EXOC4: variants seen among roughly 807,000 people sequenced by gnomAD.
EXOC4 encodes the protein exocyst complex component 4, also known as SEC8-like 1.
EXOC4 carries 71 observed loss-of-function variants against 107.2 expected under a neutral mutation model. The observed-to-expected ratio is 0.66, with a 90% CI of 0.55 to 0.81. EXOC4 has a LOEUF of 0.81. EXOC4 is among the 30% of genes least tolerant of loss of function. The pLI is 0.00. For missense variants in EXOC4, 1,108 were observed against 1,189.6 expected, an observed-to-expected ratio of 0.93 and a Z score of 1.01; for synonymous variants, 456 against 441.2, an observed-to-expected ratio of 1.03 and a Z score of -0.42.
At chr7:133,855,094 T>TATATCTAAATATATATAA (rs1554409756) in intron 11 of EXOC4, among the ~76,000 whole-genome samples, 106 of 84,274 alleles carry the variant, frequency 1.3e-3, no homozygotes, top group East Asian at 4.0e-3. Context: ...TATATATAAA[T>TATATCTAAATATATATAA]ATATATATAA....
intron 7 of EXOC4, among the ~76,000 whole-genome samples, chr7:133,454,283 C>T (rs914193688): frequency 5.9e-5 from 9 of 152,110 alleles, no homozygotes; most frequent in Admixed American, 5.9e-4. Flanking sequence ...TTCTCCAACA[C>T]TGCTTTCATT....
chr7:134,057,385 G>A (rs4731995), intron 17 of EXOC4, among the ~76,000 whole-genome samples: 33,241 of 151,578 alleles, frequency 0.22, 4,772 homozygotes, highest in African/African-American at 0.41. Context: ...ACAAAAAACT[G>A]TCCTGATACA....
At chr7:133,824,331 C>G (rs1162325534) in intron 11 of EXOC4, among the ~76,000 whole-genome samples, 1 of 152,020 alleles carries the variant, frequency 6.6e-6, no homozygotes, top group East Asian at 2.0e-4. Context: ...AACCCCTGCC[C>G]TCTCTGCCCA....
At chr7:133,907,415 G>T (rs1799591346) in intron 12 of EXOC4, among the ~76,000 whole-genome samples, 3 of 152,056 alleles carry the variant, frequency 2.0e-5, no homozygotes, top group African/African-American at 7.2e-5. Flanking sequence ...TCACATCAAG[G>T]TTATTTGGGG....
chr7:133,313,333 C>T (rs538462587), intron 4 of EXOC4, among the ~76,000 whole-genome samples: 4 of 152,194 alleles, frequency 2.6e-5, no homozygotes, highest in South Asian at 2.1e-4. Flanking sequence ...ATTATGCCAG[C>T]CATTCCTGTT....
intron 12 of EXOC4, among the ~76,000 whole-genome samples, chr7:133,900,577 C>T (rs1178470644): frequency 6.6e-6 from 1 of 151,958 alleles, no homozygotes; most frequent in Non-Finnish European, 1.5e-5. Context: ...CACGTGCACA[C>T]CTGTGCTTTA....
chr7:133,696,708 T>A (rs1246499103), intron 10 of EXOC4, among the ~76,000 whole-genome samples: 1 of 152,212 alleles, frequency 6.6e-6, no homozygotes, highest in Non-Finnish European at 1.5e-5. Context: ...TATAGCTGCT[T>A]TAGAGCAGTG....
At chr7:133,626,665 G>T (rs1802464124) in intron 9 of EXOC4, among the ~76,000 whole-genome samples, 1 of 152,134 alleles carries the variant, frequency 6.6e-6, no homozygotes, top group Non-Finnish European at 1.5e-5. Context: ...GCTAGCAGGG[G>T]TTTAGAACTA....
In EXOC4 at chr7:133,393,814, T is replaced by C. The variant is rs150848340; in HGVS notation, c.1182+18812T>C. Among the ~76,000 whole-genome samples the C allele has an allele frequency of 1.7e-3, 259 of 152,338 alleles. 1 individual carries two copies. Among genetic ancestry groups the C allele is most frequent in the African/African-American group, 6.0e-3 (248 of 41,578 alleles). On this transcript the variant is annotated intron_variant, in intron 7 of 17. Transcript: ENST00000253861. ...TCTCTTGTTTATAAGCTACTCAATCTGTGGCATTTTGTTGTAGTGGTTTGA... is the reference window on the plus strand; with the variant it reads ...TCTCTTGTTTATAAGCTACTCAATCCGTGGCATTTTGTTGTAGTGGTTTGA...
At chr7:133,743,660 C>CA (rs954069153) in intron 10 of EXOC4, among the ~76,000 whole-genome samples, 2 of 152,066 alleles carry the variant, frequency 1.3e-5, no homozygotes, top group Non-Finnish European at 2.9e-5. Flanking sequence ...TCAAAACCCC[C>CA]CCATGGTTGC....
intron 3 of EXOC4, among the ~76,000 whole-genome samples, chr7:133,293,315 A>G (rs1170677443): frequency 6.6e-6 from 1 of 152,232 alleles, no homozygotes; most frequent in Non-Finnish European, 1.5e-5. Flanking sequence ...TGGACTTCAC[A>G]TGAAAAACAA....
intron 9 of EXOC4, among the ~76,000 whole-genome samples, chr7:133,488,952 GTC>G (rs1374697331): frequency 1.3e-5 from 2 of 148,928 alleles, no homozygotes; most frequent in African/African-American, 4.9e-5. Flanking sequence ...TCTATATAAA[GTC>G]TAATATAAAT....
intron 10 of EXOC4, among the ~76,000 whole-genome samples, chr7:133,686,926 A>T (rs1364492327): frequency 6.6e-6 from 1 of 152,070 alleles, no homozygotes; most frequent in African/African-American, 2.4e-5. Context: ...GTAGCAGCAC[A>T]ATTCGCAATT....
chr7:133,438,676 A>G (rs1220611499), intron 7 of EXOC4, among the ~76,000 whole-genome samples: 3 of 152,340 alleles, frequency 2.0e-5, no homozygotes, highest in African/African-American at 7.2e-5. Context: ...GCAGTCCACT[A>G]TGACTACCAC....
chr7:133,635,780 C>G (rs1271835242), intron 10 of EXOC4, among the ~76,000 whole-genome samples: 1 of 152,308 alleles, frequency 6.6e-6, no homozygotes. Flanking sequence ...AGGAAACCTT[C>G]CGAGTCCTCA....
intron 10 of EXOC4, among the ~76,000 whole-genome samples, chr7:133,785,884 T>A (rs1357888184): frequency 2.0e-5 from 3 of 152,136 alleles, no homozygotes; most frequent in African/African-American, 4.8e-5. Flanking sequence ...ATAACCAGGA[T>A]GGTCTTGATC....
chr7:133,326,359 A>G (rs879032870), intron 5 of EXOC4, among the ~76,000 whole-genome samples: 2 of 151,998 alleles, frequency 1.3e-5, no homozygotes, highest in East Asian at 3.9e-4. Flanking sequence ...TTGGTCTTTG[A>G]TGATGGTGAC....
chr7:134,040,942 C>G (rs905902147), intron 17 of EXOC4, among the ~76,000 whole-genome samples: 2 of 152,128 alleles, frequency 1.3e-5, no homozygotes, highest in East Asian at 1.9e-4. Flanking sequence ...CAAGCCTAAT[C>G]CTTGGCTGAA....
chr7:133,665,638 A>G (rs527683251), intron 10 of EXOC4, among the ~76,000 whole-genome samples: 2 of 152,270 alleles, frequency 1.3e-5, no homozygotes, highest in Non-Finnish European at 2.9e-5. Context: ...GATATTCAGA[A>G]CACTTTTTAC....
Sources: gnomAD v4.1 joint callset for allele counts (sites outside exome capture counted in the v4.1 genomes callset) on GRCh38, gnomAD v4.1.1 for gene constraint, MANE v1.5 for transcripts, NCBI Gene and HGNC (gene_info 2026-07-23, HGNC 2026-07-21) for gene names.